The following GATM variants were observed in gnomAD, a reference collection of about 807,000 sequenced individuals.
GATM encodes glycine amidinotransferase, mitochondrial.
In GATM, 23 loss-of-function variants were observed where a neutral mutation model predicts 54.2. The observed-to-expected ratio is 0.42, with a 90% CI of 0.31 to 0.60. GATM has a LOEUF of 0.60. GATM is among the 20% of genes least tolerant of loss of function. GATM has a pLI of 0.14. For synonymous variants in GATM, 168 were observed against 183.1 expected (o/e 0.92, Z 0.67); for missense variants, 401 against 544.9 (o/e 0.74, Z 2.63).
At chr15:45,385,564 G>C (rs1889794830) in intron 3 of GATM, among the ~76,000 whole-genome samples, 1 of 152,088 alleles carries the variant, frequency 6.6e-6, no homozygotes, top group Non-Finnish European at 1.5e-5. Context: ...TGTTTAAAGA[G>C]AGTTTTTCTT....
At chr15:45,391,787 A>C (rs545308995) in intron 3 of GATM, among the ~76,000 whole-genome samples, 1 of 152,348 alleles carries the variant, frequency 6.6e-6, no homozygotes, top group Non-Finnish European at 1.5e-5. Context: ...GAATTGTAGA[A>C]GGCAAAGAGA....
At chr15:45,364,904 T>C (rs1021322236) in intron 6 of GATM, 44 bp from the exon 7 acceptor site, 7 of 1,475,326 alleles carry the variant, frequency 4.7e-6, no homozygotes, top group African/African-American at 1.4e-5. Flanking sequence ...AATCTACATA[T>C]ACTATTATTA....
Position 45,367,276 on chromosome 15 carries a change from G to A in GATM, c.676-768C>T, listed in dbSNP as rs181686487. Among the ~76,000 whole-genome samples the A allele has an allele frequency of 1.5e-3, 232 of 152,132 alleles. 2 individuals are homozygous for A. Among genetic ancestry groups the A allele is most frequent in the Non-Finnish European group, 1.5e-3 (104 of 68,012 alleles). On this transcript the variant is annotated intron_variant, in intron 4 of 8. Transcript: ENST00000396659. ...GAATTGCTGGAACCCGGGAGGCAGA[G>A]GCTGCAGTGAGCCGAGATCACGCCA...
chr15:45,394,557 C>T (rs1472071060), intron 3 of GATM, among the ~76,000 whole-genome samples: 1 of 152,214 alleles, frequency 6.6e-6, no homozygotes, highest in East Asian at 1.9e-4. Context: ...GCCAAAACTT[C>T]ATTCCAAAGG....
In GATM at chr15:45,376,752, G is replaced by C. The variant is rs199530681; in HGVS notation, c.137C>G (p.Ser46Cys). Residue 46 changes from serine to cysteine, a missense_variant, in exon 2 of 9, where the codon TCC becomes TGC. Transcript: ENST00000396659. ...GTCGTCAGCTGCACAGGAGTTCCGG[G>C]AGGAAGCCGTAGCTGCCTGGGTGCT... Reference protein sequence around the residue: ...FQSTQAATASSRNSCAADDKA... With the variant: ...FQSTQAATASCRNSCAADDKA... 3.7e-6 allele frequency: 6 copies of C among 1,614,210 alleles called. No homozygotes were observed. The highest frequency in any genetic ancestry group is 1.1e-5 in the South Asian group (1 of 91,084).
In GATM at chr15:45,378,439, C is replaced by T. The variant is rs755633847; in HGVS notation, c.15G>A (p.Arg5=). ...CGCCGCGGCTCCCGCCGCGCAGACACCGCACCCGCAGCATCGCCCTGGCCC... is the reference window on the plus strand; with the variant it reads ...CGCCGCGGCTCCCGCCGCGCAGACATCGCACCCGCAGCATCGCCCTGGCCC... The part of the protein sequence containing the change: MLRV[R]CLRGGSRGAE... Residue 5 remains arginine, a synonymous_variant, in exon 1 of 9, where the codon CGG becomes CGA. Coordinates refer to ENST00000396659, the MANE Select transcript of GATM (RefSeq NM_001482.3). 5 of 1,498,834 alleles carry T rather than the reference C, an allele frequency of 3.3e-6. No homozygotes were observed. Among genetic ancestry groups the T allele is most frequent in the Non-Finnish European group, 4.4e-6 (5 of 1,131,142 alleles). The allele number at this position is 1,498,834 out of a possible 1,614,324, so 92.8% of individuals were successfully genotyped here. A position where few individuals can be genotyped will look rare whatever the true frequency, so the allele number is the denominator to read the frequency against.
At chr15:45,369,266 A>T in intron 3 of GATM, 60 bp downstream of exon 3, 2 of 1,473,006 alleles carry the variant, frequency 1.4e-6, no homozygotes, top group Non-Finnish European at 1.9e-6. Context: ...TTCCCCTTAC[A>T]CATTAAGAAA....
upstream of GATM, among the ~76,000 whole-genome samples, chr15:45,382,624 C>T (rs750826241): frequency 1.3e-5 from 2 of 151,554 alleles, no homozygotes; most frequent in African/African-American, 4.9e-5. Flanking sequence ...AAAACCCCGT[C>T]TCTACTAAAA....
intron 3 of GATM, among the ~76,000 whole-genome samples, chr15:45,389,036 C>T (rs918233090): frequency 4.6e-5 from 7 of 152,140 alleles, no homozygotes; most frequent in South Asian, 2.1e-4. Context: ...AAGACAGTAA[C>T]GTTTGGCAGA....
rs1268267031 is a variant in GATM at position 45,369,210 on chromosome 15, C to CCT, written c.484+115_484+116insAG. The stretch of plus-strand genomic sequence containing the variant: ...TTCCTAAATAAATCTTTAAAGTTTT[C>CCT]AAGAACTAGCAAAGCAAAGGACTCT... On this transcript the variant is annotated intron_variant, in intron 3 of 8. Transcript: ENST00000396659. 5.0e-6 allele frequency: 4 copies of CCT among 801,736 alleles called. No individual in the cohort carries two copies. The African/African-American group carries it at 6.9e-5, about 14-fold the overall frequency. The allele number at this position is 801,736 out of a possible 1,614,324, so 49.7% of individuals were successfully genotyped here.
intron 6 of GATM, 101 bp downstream of exon 6, chr15:45,365,945 T>G: frequency 8.9e-7 from 1 of 1,122,184 alleles, no homozygotes; most frequent in Non-Finnish European, 1.4e-6. Flanking sequence ...GAATCTGTCA[T>G]TTAGAACCAT....
At position 45,368,677 on chromosome 15, in the gene GATM, A is replaced by G. The variant is rs1889489002; in HGVS notation, c.485-417T>C. 6.6e-6 allele frequency among the ~76,000 whole-genome samples: 1 copy of G among 151,896 alleles called. No individual in the cohort carries two copies. Among genetic ancestry groups the G allele is most frequent in the African/African-American group, 2.4e-5 (1 of 41,340 alleles). ...TTTTTGGTTAAAAAAATTGCTAGAA[A>G]TACATGTGTGTATATATATATGAAA... On this transcript the variant is annotated intron_variant, in intron 3 of 8. Coordinates refer to ENST00000396659, the MANE Select transcript of GATM (RefSeq NM_001482.3). This position sits in a 1 kb window ranked among gnomAD's most constrained non-coding sequence, Gnocchi z 5.1.
At chr15:45,367,855 G>C (rs1211977845) in intron 4 of GATM, among the ~76,000 whole-genome samples, 1 of 152,096 alleles carries the variant, frequency 6.6e-6, no homozygotes, top group South Asian at 2.1e-4. Flanking sequence ...CCCAGAACAA[G>C]GTAAGCACCA....
At chr15:45,364,165 T>C (rs1889409712) in intron 7 of GATM, 149 bp from the exon 8 acceptor site, 3 of 681,988 alleles carry the variant, frequency 4.4e-6, no homozygotes, top group Middle Eastern at 6.1e-4. Context: ...AAACAATTTA[T>C]CTATAAATGG....
chr15:45,364,933 C>A (rs1338186821), intron 6 of GATM, 73 bp from the exon 7 acceptor site: 1 of 1,181,174 alleles, frequency 8.5e-7, no homozygotes, highest in Non-Finnish European at 1.3e-6. Flanking sequence ...CTCTAATAGC[C>A]CTTATCAGTA....
chr15:45,400,499 GTGAAA>G (rs1377991808), intron 1 of GATM, among the ~76,000 whole-genome samples: 2 of 152,322 alleles, frequency 1.3e-5, no homozygotes, highest in African/African-American at 4.8e-5. Context: ...AAAGAGTGAA[GTGAAA>G]TAATATTTCC....
Position 45,363,672 on chromosome 15 carries a change from T to G in GATM, c.1159+228A>C, listed in dbSNP as rs546815948. 1,012 of 586,764 alleles carry G rather than the reference T, an allele frequency of 1.7e-3. 2 individuals are homozygous for G. The highest frequency in any genetic ancestry group is 2.4e-3 in the South Asian group (115 of 47,120). The allele number at this position is 586,764 out of a possible 1,614,324, so 36.3% of individuals were successfully genotyped here. On this transcript the variant is annotated intron_variant, in intron 8 of 8. Coordinates refer to ENST00000396659, the MANE Select transcript of GATM (RefSeq NM_001482.3). ...GCTAAGTCATATAAGATTTATAAAC[T>G]TATTGTTAAGGGGATGTCTCAGGAG...
chr15:45,386,032 G>GT (rs1378029526), intron 3 of GATM, among the ~76,000 whole-genome samples: 2 of 152,128 alleles, frequency 1.3e-5, no homozygotes, highest in East Asian at 3.9e-4. Context: ...ACATGTAAAA[G>GT]TAATAAAATT....
In GATM at chr15:45,377,057, A is replaced by G. The variant is rs904491289; in HGVS notation, c.70-238T>C. 81 of 536,386 alleles carry G rather than the reference A, an allele frequency of 1.5e-4. 1 individual carries two copies. The highest frequency in any genetic ancestry group is 1.3e-3 in the African/African-American group (69 of 52,292). The allele number at this position is 536,386 out of a possible 1,614,324, so 33.2% of individuals were successfully genotyped here. On this transcript the variant is annotated intron_variant, in intron 1 of 8. Transcript: ENST00000396659. ...TCTATTAATTGCTGTAACTCTTTAA[A>G]ACTCCTCAGAAGACCGTGTCCCCAG...
Sources: gnomAD v4.1 joint callset for allele counts (sites outside exome capture counted in the v4.1 genomes callset) on GRCh38, gnomAD v4.1.1 for gene constraint, Gnocchi (gnomAD v3.1) non-coding constraint, MANE v1.5 for transcripts, NCBI Gene and HGNC (gene_info 2026-07-23, HGNC 2026-07-21) for gene names.